RORA: variants seen among roughly 807,000 people sequenced by gnomAD.
RORA encodes nuclear receptor ROR-alpha.
A neutral mutation model predicts 69.5 loss-of-function variants in RORA; 7 were observed. That is an observed-to-expected ratio of 0.10 (90% CI 0.06 to 0.19). The LOEUF (loss-of-function observed/expected upper bound fraction) is 0.19. Ranked by LOEUF, RORA falls within the 10% of genes least tolerant of loss-of-function variation. RORA has a pLI of 1.00. For missense variants in RORA, 457 were observed against 663.0 expected (o/e 0.69, Z 3.41); for synonymous variants, 261 against 240.8 (o/e 1.08, Z -0.78).
At chr15:60,837,687 C>G (rs987654150) in intron 1 of RORA, among the ~76,000 whole-genome samples, 1 of 152,220 alleles carries the variant, frequency 6.6e-6, no homozygotes, top group Admixed American at 6.5e-5. Context: ...TGCACCATTT[C>G]CCCCGCTAAA....
intron 1 of RORA, among the ~76,000 whole-genome samples, chr15:61,112,321 A>G (rs893410922): frequency 5.3e-5 from 8 of 152,192 alleles, no homozygotes; most frequent in African/African-American, 1.9e-4. Flanking sequence ...TTGACCACAG[A>G]AAGTCTGAGA....
At chr15:61,169,991 T>C (rs1409021560) in intron 1 of RORA, among the ~76,000 whole-genome samples, 1 of 152,144 alleles carries the variant, frequency 6.6e-6, no homozygotes, top group African/African-American at 2.4e-5. Context: ...TCATAATAGT[T>C]CTAAGCGTGT....
At chr15:60,814,702 C>T (rs1222721730) in intron 1 of RORA, among the ~76,000 whole-genome samples, 3 of 152,142 alleles carry the variant, frequency 2.0e-5, no homozygotes, top group Non-Finnish European at 4.4e-5. Context: ...CTTCCATTTC[C>T]CTCCCCACCT....
chr15:60,896,746 T>TTC (rs539767305), intron 1 of RORA, among the ~76,000 whole-genome samples: 50,029 of 148,258 alleles, frequency 0.34, 9,752 homozygotes, highest in Non-Finnish European at 0.45. Context: ...TTTTTTTTTT[T>TTC]TTTTTGGCTG....
intron 3 of RORA, among the ~76,000 whole-genome samples, chr15:60,525,276 A>ATAGTT (rs199876655): frequency 0.01 from 1,550 of 152,250 alleles, 29 homozygotes; most frequent in African/African-American, 0.036. Context: ...TGGAGTTTTA[A>ATAGTT]TAGTTTTGTC....
chr15:60,968,817 A>T (rs1005548800), intron 1 of RORA, among the ~76,000 whole-genome samples: 1 of 152,210 alleles, frequency 6.6e-6, no homozygotes, highest in Admixed American at 6.5e-5. Context: ...GCATCAGTAC[A>T]TTACAACCAC....
intron 1 of RORA, among the ~76,000 whole-genome samples, chr15:60,835,925 C>T (rs909086479): frequency 6.6e-6 from 1 of 152,142 alleles, no homozygotes; most frequent in Non-Finnish European, 1.5e-5. Context: ...AATAGCTTCC[C>T]TGGTATTTGT....
chr15:60,571,845 A>G (rs2067892094), intron 2 of RORA, among the ~76,000 whole-genome samples: 1 of 152,258 alleles, frequency 6.6e-6, no homozygotes, highest in Non-Finnish European at 1.5e-5. Context: ...TTCACTTTTT[A>G]GAATGTTAGG....
intron 1 of RORA, among the ~76,000 whole-genome samples, chr15:60,835,901 C>G (rs889237484): frequency 2.6e-5 from 4 of 152,162 alleles, no homozygotes; most frequent in Non-Finnish European, 5.9e-5. Flanking sequence ...AAACTTATTA[C>G]TGATTTAAAA....
In RORA at chr15:60,612,875, C is replaced by T. The variant is rs170971; in HGVS notation, c.196+65782G>A. Among the ~76,000 whole-genome samples, 345 of 152,068 alleles carry T rather than the reference C, an allele frequency of 2.3e-3. 1 individual carries two copies. The highest frequency in any genetic ancestry group is 7.9e-3 in the African/African-American group (327 of 41,504). On this transcript the variant is annotated intron_variant, in intron 2 of 10. Transcript: ENST00000335670. ...GGGTTTAATGGACATATTTTATTTTCGTTCAGGGTGACCTCACTGATCATT... is the reference window on the plus strand; with the variant it reads ...GGGTTTAATGGACATATTTTATTTTTGTTCAGGGTGACCTCACTGATCATT...
chr15:60,617,689 GAGAA>G (rs370242351), intron 2 of RORA, among the ~76,000 whole-genome samples: 1 of 145,984 alleles, frequency 6.9e-6, no homozygotes, highest in African/African-American at 2.6e-5. Flanking sequence ...GAGAGAGAGA[GAGAA>G]AGAGGGAGAG....
chr15:61,033,604 T>C (rs1240450344), intron 1 of RORA, among the ~76,000 whole-genome samples: 2 of 152,204 alleles, frequency 1.3e-5, no homozygotes, highest in Non-Finnish European at 2.9e-5. Flanking sequence ...ATTAACTTAA[T>C]AGTGGTTCTT....
intron 1 of RORA, among the ~76,000 whole-genome samples, chr15:61,186,565 G>C (rs553224459): frequency 2.8e-5 from 4 of 144,816 alleles, no homozygotes; most frequent in Non-Finnish European, 4.5e-5. Context: ...TGCCTGAACC[G>C]GGGAGGTGGA....
chr15:61,068,671 G>A (rs549496188), intron 1 of RORA, among the ~76,000 whole-genome samples: 1 of 152,310 alleles, frequency 6.6e-6, no homozygotes, highest in South Asian at 2.1e-4. Flanking sequence ...ATTCTGGGAA[G>A]AACAGGATTT....
intron 4 of RORA, 60 bp downstream of exon 4, chr15:60,514,556 G>C: frequency 6.4e-7 from 1 of 1,563,920 alleles, no homozygotes; most frequent in Non-Finnish European, 8.8e-7. Context: ...CTGAGTCCAG[G>C]TTTCAGAAGG....
chr15:60,719,134 T>C (rs1388741121), intron 1 of RORA, among the ~76,000 whole-genome samples: 2 of 36,528 alleles, frequency 5.5e-5, no homozygotes, highest in African/African-American at 2.7e-4. Context: ...ACTGTAAATT[T>C]GAATATGGAC....
chr15:61,172,610 A>C (rs1448771631), intron 1 of RORA, among the ~76,000 whole-genome samples: 2 of 152,200 alleles, frequency 1.3e-5, no homozygotes, highest in South Asian at 2.1e-4. Flanking sequence ...TTGCCACCTC[A>C]GGAGGGACCA....
At chr15:60,946,512 T>C (rs1474992986) in intron 1 of RORA, among the ~76,000 whole-genome samples, 6 of 152,250 alleles carry the variant, frequency 3.9e-5, no homozygotes, top group East Asian at 1.9e-4. Context: ...GGGAGTGATC[T>C]GCCAGCTTCG....
At chr15:60,916,703 T>A (rs945109252) in intron 1 of RORA, among the ~76,000 whole-genome samples, 5 of 152,030 alleles carry the variant, frequency 3.3e-5, no homozygotes, top group African/African-American at 1.2e-4. Context: ...CACTCAGGCA[T>A]CAGGCATCAG....
Sources: allele counts gnomAD v4.1 joint callset (sites outside exome capture counted in the v4.1 genomes callset), GRCh38; gene constraint gnomAD v4.1.1; transcripts MANE v1.5; gene names NCBI Gene and HGNC (gene_info 2026-07-23, HGNC 2026-07-21).